The following DLGAP3 variants were observed in gnomAD, a reference collection of about 807,000 sequenced individuals.
DLGAP3 encodes the protein DLG associated protein 3.
In DLGAP3, 17 loss-of-function variants were observed where a neutral mutation model predicts 81.2. That is an observed-to-expected ratio of 0.21 (90% CI 0.14 to 0.31). The LOEUF (loss-of-function observed/expected upper bound fraction) is 0.31. Ranked by LOEUF, DLGAP3 falls within the 10% of genes least tolerant of loss-of-function variation. The pLI, the probability that DLGAP3 is intolerant of heterozygous loss-of-function variation, is 1.00. For missense variants in DLGAP3, 1,124 were observed against 1,388.0 expected (o/e 0.81, Z 3.02); for synonymous variants, 577 against 587.4 (o/e 0.98, Z 0.26).
intron 1 of DLGAP3, among the ~76,000 whole-genome samples, chr1:34,924,953 G>C (rs1464531798): frequency 6.6e-6 from 1 of 152,130 alleles, no homozygotes; most frequent in African/African-American, 2.4e-5. Context: ...TCCACCATCG[G>C]GACCGAACGA....
intron 8 of DLGAP3, among the ~76,000 whole-genome samples, chr1:34,881,332 T>G (rs1353835999): frequency 2.6e-5 from 4 of 152,202 alleles, no homozygotes; most frequent in Admixed American, 2.6e-4. Flanking sequence ...GCTTCCCAGC[T>G]AAAAGACTAT....
chr1:34,877,032 G>A (rs1298193536), intron 8 of DLGAP3, among the ~76,000 whole-genome samples: 1 of 152,162 alleles, frequency 6.6e-6, no homozygotes, highest in Non-Finnish European at 1.5e-5. Context: ...CTACAATGCT[G>A]GGTTTGAAAA....
chr1:34,865,888 G>A lies in DLGAP3; in HGVS notation c.*195C>T. ...GCAGGGCGGAGAGGCACGGCCCCCT[G>A]CCCAGCCCGGGCGCCTTCGCGTGGG... On this transcript the variant is annotated 3_prime_UTR_variant, in exon 12 of 12. Coordinates refer to ENST00000373347, the MANE Select transcript of DLGAP3 (RefSeq NM_001080418.3). The A allele has an allele frequency of 1.5e-6, 1 of 677,250 alleles. No homozygotes were observed. 42.0% of individuals were successfully genotyped at this position (677,250 alleles called of 1,614,324 possible). A position where few individuals can be genotyped will look rare whatever the true frequency, so the allele number is the denominator to read the frequency against.
intron 1 of DLGAP3, among the ~76,000 whole-genome samples, chr1:34,919,265 C>T (rs566603320): frequency 6.6e-6 from 1 of 152,324 alleles, no homozygotes; most frequent in South Asian, 2.1e-4. Context: ...GATCTTAGGC[C>T]TTGACCACTC....
chr1:34,886,394 G>A (rs1639230619), intron 5 of DLGAP3, 109 bp from the exon 6 acceptor site: 1 of 1,070,628 alleles, frequency 9.3e-7, no homozygotes, highest in Non-Finnish European at 1.3e-6. Flanking sequence ...AGAGGCTGTA[G>A]GCGACTCTTC....
At chr1:34,916,350 C>A (rs1406419979) in intron 1 of DLGAP3, among the ~76,000 whole-genome samples, 2 of 152,224 alleles carry the variant, frequency 1.3e-5, no homozygotes, top group African/African-American at 4.8e-5. Flanking sequence ...ACATTGAATA[C>A]ATTTCAGACC....
chr1:34,927,335 C>T (rs1476447031), intron 1 of DLGAP3, among the ~76,000 whole-genome samples: 2 of 152,208 alleles, frequency 1.3e-5, no homozygotes, highest in African/African-American at 4.8e-5. Context: ...TAGGAACTCA[C>T]AAATTCGTTG....
At chr1:34,922,309 G>A (rs1460869903) in intron 1 of DLGAP3, among the ~76,000 whole-genome samples, 1 of 152,232 alleles carries the variant, frequency 6.6e-6, no homozygotes, top group Non-Finnish European at 1.5e-5. Flanking sequence ...GCTACAAGTA[G>A]CAGGGTGATC....
chr1:34,926,435 C>G (rs1639873372), intron 1 of DLGAP3, among the ~76,000 whole-genome samples: 1 of 152,146 alleles, frequency 6.6e-6, no homozygotes, highest in African/African-American at 2.4e-5. Context: ...GAGCCAGCAG[C>G]CTTCAGACTG....
At chr1:34,915,756 C>T (rs1016893547) in intron 1 of DLGAP3, among the ~76,000 whole-genome samples, 1 of 152,200 alleles carries the variant, frequency 6.6e-6, no homozygotes, top group Non-Finnish European at 1.5e-5. Flanking sequence ...GATATCTATA[C>T]CTCTGCTCTC....
chr1:34,885,435 C>A (rs754185884), intron 7 of DLGAP3, 43 bp downstream of exon 7: 2 of 1,597,244 alleles, frequency 1.3e-6, no homozygotes, highest in Admixed American at 1.7e-5. Context: ...CAGCCCCGAC[C>A]GACCAGGGTC....
chr1:34,911,202 T>C (rs965898057), intron 1 of DLGAP3, among the ~76,000 whole-genome samples: 5 of 152,144 alleles, frequency 3.3e-5, no homozygotes, highest in African/African-American at 4.8e-5. Context: ...AAGTCAAACT[T>C]ATTCAACGCC....
chr1:34,887,235 G>T (rs868139422), intron 5 of DLGAP3, among the ~76,000 whole-genome samples: 2 of 152,042 alleles, frequency 1.3e-5, no homozygotes, highest in East Asian at 1.9e-4. Context: ...GATTATAGGC[G>T]TGAGCCACCG....
chr1:34,912,285 A>T (rs1639651014), intron 1 of DLGAP3, among the ~76,000 whole-genome samples: 1 of 152,224 alleles, frequency 6.6e-6, no homozygotes, highest in Non-Finnish European at 1.5e-5. Context: ...AAGACGAAAG[A>T]CACTCACCTG....
Position 34,905,059 on chromosome 1 carries a change from G to A in DLGAP3, c.325C>T (p.Pro109Ser). 6.3e-7 allele frequency: 1 copy of A among 1,598,300 alleles called. No individual in the cohort carries two copies. The highest frequency in any genetic ancestry group is 2.3e-5 in the East Asian group (1 of 44,054). ...AGGCGGGGGGCACCCTTGCCCTGTG[G>A]GTGGCCCACACAGTCTTCACAGGTG... is the stretch of plus-strand genomic sequence containing the variant. ...FDTCEDCVGH[P>S]QGKGAPRLPP... The change falls in exon 3 of 12, where the codon CCA becomes TCA. Residue 109 changes from proline to serine, a missense_variant. This residue lies in a region of DLGAP3 where 167 missense variants were observed against 172.1 expected (regional missense o/e 0.97). Coordinates refer to ENST00000373347, the MANE Select transcript of DLGAP3 (RefSeq NM_001080418.3).
In DLGAP3 at chr1:34,883,304, C is replaced by G. The variant is rs566409198; in HGVS notation, c.2000+1674G>C. 5.7e-4 allele frequency among the ~76,000 whole-genome samples: 87 copies of G among 152,328 alleles called. 1 individual carries two copies. Among genetic ancestry groups the G allele is most frequent in the African/African-American group, 1.8e-3 (75 of 41,580 alleles). The stretch of plus-strand genomic sequence containing the variant: ...GTAAGTATCTGATGAATGAATGAAT[C>G]AATCAATCAATGACAAGAGTTTGCT... On this transcript the variant is annotated intron_variant, in intron 8 of 11. Transcript: ENST00000373347.
chr1:34,876,612 A>G (rs1464421172), intron 8 of DLGAP3, among the ~76,000 whole-genome samples: 1 of 152,208 alleles, frequency 6.6e-6, no homozygotes, highest in African/African-American at 2.4e-5. Flanking sequence ...TGTATGACTA[A>G]GGACGCCTGC....
rs750597322 is a variant in DLGAP3 at position 34,868,612 on chromosome 1, G to A, written c.2478C>T (p.Pro826=). ...TCCGATGCCGTGACTCACTCTCCTC[G>A]GGTAGCTCATAGTCCTCCGCCTCAC... ...MEREAEDYEL[P]EEILEKIRSA... is the part of the protein sequence containing the mutation. Residue 826 remains proline, a synonymous_variant, in exon 9 of 12, where the codon CCC becomes CCT. Transcript: ENST00000373347. The surrounding 1 kb of genome is among the most constrained non-coding windows in gnomAD (Gnocchi z 7.5). 1.1e-5 allele frequency: 17 copies of A among 1,612,564 alleles called. No individual in the cohort carries two copies. Among genetic ancestry groups the A allele is most frequent in the East Asian group, 4.5e-5 (2 of 44,892 alleles).
At chr1:34,914,211 A>G (rs536546081) in intron 1 of DLGAP3, among the ~76,000 whole-genome samples, 2 of 152,286 alleles carry the variant, frequency 1.3e-5, no homozygotes, top group East Asian at 3.9e-4. Flanking sequence ...CAGGGCTGCC[A>G]TAGGCCCTTT....
Sources: allele counts gnomAD v4.1 joint callset (sites outside exome capture counted in the v4.1 genomes callset), GRCh38; gene constraint gnomAD v4.1.1; regional missense constraint gnomAD v4.1.1; non-coding constraint Gnocchi (gnomAD v3.1); transcripts MANE v1.5; gene names NCBI Gene and HGNC (gene_info 2026-07-23, HGNC 2026-07-21).